Variants in SLC9C1 observed in about 807,000 individuals in gnomAD.
The protein encoded by SLC9C1 is sodium/hydrogen exchanger 10.
A neutral mutation model predicts 140.9 loss-of-function variants in SLC9C1; 97 were observed. The observed-to-expected ratio is 0.69, with a 90% CI of 0.58 to 0.82. SLC9C1 has a LOEUF of 0.82. SLC9C1 is among the 40% of genes least tolerant of loss of function. SLC9C1 has a pLI of 0.00. For missense variants in SLC9C1, 1,340 were observed against 1,389.3 expected, an observed-to-expected ratio of 0.96 and a Z score of 0.56; for synonymous variants, 440 against 442.6, an observed-to-expected ratio of 0.99 and a Z score of 0.07.
chr3:112,150,840 A>T (rs199897648), intron 28 of SLC9C1, among the ~76,000 whole-genome samples: 5,730 of 56,848 alleles, frequency 0.1, 190 homozygotes, highest in East Asian at 0.22. Flanking sequence ...ATATATATAT[A>T]TTTTTTTTTT....
chr3:112,172,912 T>C (rs1166400707), intron 23 of SLC9C1, among the ~76,000 whole-genome samples: 1 of 152,174 alleles, frequency 6.6e-6, no homozygotes, highest in Non-Finnish European at 1.5e-5. Flanking sequence ...TTTTGATGTC[T>C]AATCCTTTTA....
intron 27 of SLC9C1, among the ~76,000 whole-genome samples, chr3:112,153,678 AGGTGGGTATTG>A (rs2075048284): frequency 6.6e-6 from 1 of 152,158 alleles, no homozygotes; most frequent in South Asian, 2.1e-4. Flanking sequence ...ATCTCTACAG[AGGTGGGTATTG>A]CTATTATCAC....
intron 26 of SLC9C1, among the ~76,000 whole-genome samples, chr3:112,158,486 T>C (rs920502663): frequency 1.3e-5 from 2 of 152,088 alleles, no homozygotes; most frequent in African/African-American, 4.8e-5. Flanking sequence ...TTTTCTATTT[T>C]TCCTGTGTCC....
At position 112,169,468 on chromosome 3, in the gene SLC9C1, A is replaced by G. The variant is rs2077205178; in HGVS notation, c.2920-140T>C. The G allele has an allele frequency of 6.3e-6, 5 of 795,912 alleles. No homozygotes were observed. In the Admixed American group the frequency reaches 1.7e-4, roughly 27 times the overall value. The allele number at this position is 795,912 out of a possible 1,614,324, so 49.3% of individuals were successfully genotyped here. ...CATAATAGCATGGAAACTTAGTAAAATGTGTCTATCAATGAAAATTGGTGT... is the reference window on the plus strand; with the variant it reads ...CATAATAGCATGGAAACTTAGTAAAGTGTGTCTATCAATGAAAATTGGTGT... On this transcript the variant is annotated intron_variant, in intron 23 of 28. Coordinates refer to ENST00000305815, the MANE Select transcript of SLC9C1 (RefSeq NM_183061.3).
chr3:112,177,345 T>C (rs977239130), intron 23 of SLC9C1, among the ~76,000 whole-genome samples: 2 of 151,888 alleles, frequency 1.3e-5, no homozygotes, highest in East Asian at 3.9e-4. Flanking sequence ...AACAATCTGG[T>C]AAATCTAGTT....
intron 28 of SLC9C1, among the ~76,000 whole-genome samples, chr3:112,143,461 G>A (rs562701587): frequency 2.0e-5 from 3 of 152,188 alleles, no homozygotes; most frequent in South Asian, 2.1e-4. Flanking sequence ...ATCTCATTGT[G>A]GTTTTGATTT....
At chr3:112,161,403 G>T (rs993610534) in intron 26 of SLC9C1, among the ~76,000 whole-genome samples, 1 of 152,170 alleles carries the variant, frequency 6.6e-6, no homozygotes, top group Non-Finnish European at 1.5e-5. Context: ...TATGGTTTTA[G>T]GTCTAACGTT....
Position 112,192,133 on chromosome 3 carries a change from A to G in SLC9C1, c.2523+7188T>C, listed in dbSNP as rs565338676. On this transcript the variant is annotated intron_variant, in intron 20 of 28. Coordinates refer to ENST00000305815, the MANE Select transcript of SLC9C1 (RefSeq NM_183061.3). ...ATTATTTTAACTATTTTAAATGGCT[A>G]AGGCTCCCTTCATTTTCACTGGTAT... 5.3e-5 allele frequency among the ~76,000 whole-genome samples: 8 copies of G among 152,066 alleles called. No individual in the cohort carries two copies. The South Asian group carries it at 1.7e-3, about 32-fold the overall frequency.
In SLC9C1 at chr3:112,162,567, G is replaced by T. The variant is rs189690837; in HGVS notation, c.3364+4654C>A. 3.8e-3 allele frequency among the ~76,000 whole-genome samples: 572 copies of T among 152,116 alleles called. 5 individuals carry two copies. Among genetic ancestry groups the T allele is most frequent in the African/African-American group, 0.011 (457 of 41,538 alleles). On this transcript the variant is annotated intron_variant, in intron 26 of 28. Coordinates refer to ENST00000305815, the MANE Select transcript of SLC9C1 (RefSeq NM_183061.3). ...TCTTTGGCTCTGTTTATATGCTGGA[G>T]TACATTTATTGATTTGCGTATATTG...
chr3:112,238,174 C>T (rs2079043472), intron 12 of SLC9C1, among the ~76,000 whole-genome samples: 1 of 152,166 alleles, frequency 6.6e-6, no homozygotes, highest in African/African-American at 2.4e-5. Context: ...TCTGTTTTCT[C>T]TAAACTTCTC....
At position 112,286,679 on chromosome 3, in the gene SLC9C1, C is replaced by G. The variant is rs758222759; in HGVS notation, c.88+25G>C. On this transcript the variant is annotated intron_variant, in intron 2 of 28. Transcript: ENST00000305815. ...ATAAGATGTACCGGAAGAATAAACT[C>G]AGATAAAGAGAGAGTGATACTTACC... The G allele has an allele frequency of 3.8e-6, 6 of 1,563,300 alleles. No homozygotes were observed. In the South Asian group the frequency reaches 6.0e-5, roughly 16 times the overall value.
chr3:112,195,279 C>T (rs1176696175), intron 20 of SLC9C1, among the ~76,000 whole-genome samples: 1 of 152,022 alleles, frequency 6.6e-6, no homozygotes. Flanking sequence ...GGTCATGGGT[C>T]TATTTTGAGG....
At chr3:112,253,414 G>A (rs749221850) in intron 10 of SLC9C1, among the ~76,000 whole-genome samples, 4 of 152,138 alleles carry the variant, frequency 2.6e-5, no homozygotes, top group Non-Finnish European at 4.4e-5. Context: ...GTAAGGAAAT[G>A]TAGGGGAGCC....
chr3:112,241,046 GACTT>G (rs1378623481), intron 11 of SLC9C1, among the ~76,000 whole-genome samples: 1 of 151,954 alleles, frequency 6.6e-6, no homozygotes, highest in Non-Finnish European at 1.5e-5. Flanking sequence ...GAATAAATAA[GACTT>G]ACTATTTGAC....
At position 112,188,881 on chromosome 3, in the gene SLC9C1, C is replaced by G. The variant is rs1333383925; in HGVS notation, c.2524-6623G>C. ...TAAAAGTGTTGCTATTTCTCCACAT[C>G]CTCTCCAGCATCTGTTGTTTCCTGA... On this transcript the variant is annotated intron_variant, in intron 20 of 28. Coordinates refer to ENST00000305815, the MANE Select transcript of SLC9C1 (RefSeq NM_183061.3). Among the ~76,000 whole-genome samples, 8 of 152,202 alleles carry G rather than the reference C, an allele frequency of 5.3e-5. No homozygotes were observed. In the East Asian group the frequency reaches 1.5e-3, roughly 29 times the overall value.
At chr3:112,288,967 C>G (rs979183095) in intron 1 of SLC9C1, among the ~76,000 whole-genome samples, 1 of 152,000 alleles carries the variant, frequency 6.6e-6, no homozygotes, top group African/African-American at 2.4e-5. Flanking sequence ...ATACTTGGTG[C>G]CTACGTCCTA....
chr3:112,177,862 GT>G (rs968361593), intron 23 of SLC9C1, among the ~76,000 whole-genome samples: 2 of 150,286 alleles, frequency 1.3e-5, no homozygotes, highest in African/African-American at 4.9e-5. Context: ...AGGCTAGAGT[GT>G]TTTATGCAAA....
intron 13 of SLC9C1, among the ~76,000 whole-genome samples, chr3:112,226,167 A>G (rs1204166004): frequency 1.3e-5 from 2 of 152,158 alleles, no homozygotes; most frequent in Non-Finnish European, 2.9e-5. Flanking sequence ...CCAAATTTTT[A>G]AAAAATTAAA....
intron 28 of SLC9C1, among the ~76,000 whole-genome samples, chr3:112,150,838 A>ATT (rs1490606926): frequency 5.3e-4 from 31 of 58,094 alleles, no homozygotes; most frequent in African/African-American, 3.5e-3. Flanking sequence ...ATATATATAT[A>ATT]TATTTTTTTT....
Sources: allele counts gnomAD v4.1 joint callset (sites outside exome capture counted in the v4.1 genomes callset), GRCh38; gene constraint gnomAD v4.1.1; transcripts MANE v1.5; gene names NCBI Gene and HGNC (gene_info 2026-07-23, HGNC 2026-07-21).